The following C10orf90 variants were observed in gnomAD, a reference collection of about 807,000 sequenced individuals.
C10orf90 encodes the protein chromosome 10 open reading frame 90.
A neutral mutation model predicts 62.5 loss-of-function variants in C10orf90; 56 were observed. That is an observed-to-expected ratio of 0.90 (90% CI 0.72 to 1.12). The LOEUF is 1.12. Ranked by LOEUF, C10orf90 falls within the 50% of genes most tolerant of loss-of-function variation. The pLI, the probability that C10orf90 is intolerant of heterozygous loss-of-function variation, is 0.00. For synonymous variants in C10orf90, 386 were observed against 340.4 expected (o/e 1.13, Z -1.47); for missense variants, 970 against 880.4 (o/e 1.10, Z -1.29).
At chr10:126,481,026 C>G (rs1307563800) in intron 4 of C10orf90, among the ~76,000 whole-genome samples, 1 of 151,772 alleles carries the variant, frequency 6.6e-6, no homozygotes, top group Non-Finnish European at 1.5e-5. Context: ...TGCAGTCCCA[C>G]TGGTCTTGGT....
At chr10:126,487,596 A>G (rs551336330) in intron 4 of C10orf90, among the ~76,000 whole-genome samples, 99 of 152,356 alleles carry the variant, frequency 6.5e-4, no homozygotes, top group African/African-American at 2.2e-3. Flanking sequence ...TTAAGAAAAC[A>G]GTAAAACAAA....
chr10:126,634,855 G>A (rs916796331), intron 2 of C10orf90, among the ~76,000 whole-genome samples: 1 of 152,136 alleles, frequency 6.6e-6, no homozygotes. Flanking sequence ...TCTCAATCTT[G>A]TCTCCTAAGG....
At chr10:126,569,170 G>A (rs532707392) in intron 2 of C10orf90, among the ~76,000 whole-genome samples, 31 of 152,172 alleles carry the variant, frequency 2.0e-4, no homozygotes, top group Non-Finnish European at 4.0e-4. Context: ...AATTCCAAGC[G>A]TGGCTGCCAG....
intron 2 of C10orf90, among the ~76,000 whole-genome samples, chr10:126,618,046 A>C (rs1845576804): frequency 6.6e-6 from 1 of 152,202 alleles, no homozygotes; most frequent in Non-Finnish European, 1.5e-5. Context: ...GGAGGGATAG[A>C]AAATGCCTTC....
At chr10:126,485,114 T>C (rs1399633201) in intron 4 of C10orf90, among the ~76,000 whole-genome samples, 1 of 152,220 alleles carries the variant, frequency 6.6e-6, no homozygotes, top group Non-Finnish European at 1.5e-5. Context: ...AATTAGGTCA[T>C]ATGGGTGGAG....
chr10:126,598,833 C>T (rs1845137139), intron 2 of C10orf90, among the ~76,000 whole-genome samples: 1 of 152,150 alleles, frequency 6.6e-6, no homozygotes, highest in African/African-American at 2.4e-5. Flanking sequence ...TGGATGAAAA[C>T]TAGGGAGTCA....
intron 4 of C10orf90, among the ~76,000 whole-genome samples, chr10:126,500,139 C>T (rs1365623037): frequency 6.6e-6 from 1 of 152,170 alleles, no homozygotes; most frequent in Non-Finnish European, 1.5e-5. Context: ...TTGCAGTTCA[C>T]TCTCCTAATA....
At chr10:126,666,197 C>CT (rs1846623850) in intron 1 of C10orf90, among the ~76,000 whole-genome samples, 1 of 152,304 alleles carries the variant, frequency 6.6e-6, no homozygotes, top group African/African-American at 2.4e-5. Flanking sequence ...TCTCTGGCCT[C>CT]TACCCATTAG....
chr10:126,504,912 A>C lies in C10orf90; in HGVS notation c.579T>G (p.Ile193Met). ...CCGGAAGTAACGCAAATGCTCTGTGAATGTTGACTCCGCTGCGGTTAGCCA... is the reference window on the plus strand; with the variant it reads ...CCGGAAGTAACGCAAATGCTCTGTGCATGTTGACTCCGCTGCGGTTAGCCA... ...QSLANRSGVN[I>M]HRAFALLPGR... Residue 193 changes from isoleucine (I) to methionine (M), a missense_variant, in exon 4 of 10, where the codon ATT (isoleucine) becomes ATG (methionine). Ile to Met is a conservative substitution (Grantham distance 10, BLOSUM62 1). Transcript: ENST00000488181. This position sits in a 1 kb window ranked among gnomAD's most constrained non-coding sequence, Gnocchi z 4.1. The C allele has an allele frequency of 1.2e-6, 2 of 1,614,144 alleles. No individual in the cohort carries two copies. The highest frequency in any genetic ancestry group is 1.7e-6 in the Non-Finnish European group (2 of 1,180,030).
At chr10:126,551,648 C>T (rs1375130137) in intron 2 of C10orf90, among the ~76,000 whole-genome samples, 6 of 152,154 alleles carry the variant, frequency 3.9e-5, no homozygotes, top group South Asian at 2.1e-4. Flanking sequence ...ATGCCAGGTG[C>T]AATTACTCCA....
At chr10:126,642,518 C>T (rs547210578) in intron 2 of C10orf90, among the ~76,000 whole-genome samples, 6 of 151,804 alleles carry the variant, frequency 4.0e-5, no homozygotes, top group African/African-American at 1.5e-4. Flanking sequence ...GGCGACAGAG[C>T]GAGACTCCAT....
At chr10:126,543,388 G>A (rs1244882724) in intron 2 of C10orf90, among the ~76,000 whole-genome samples, 4 of 152,202 alleles carry the variant, frequency 2.6e-5, no homozygotes, top group African/African-American at 9.7e-5. Context: ...AAAGTGCTTA[G>A]CATTATGTCT....
At chr10:126,450,071 C>G (rs1180222494) in intron 7 of C10orf90, among the ~76,000 whole-genome samples, 2 of 151,100 alleles carry the variant, frequency 1.3e-5, no homozygotes, top group South Asian at 2.1e-4. Flanking sequence ...AAAACAATCC[C>G]ATTTACACTG....
intron 2 of C10orf90, among the ~76,000 whole-genome samples, chr10:126,638,933 G>A (rs918201893): frequency 2.0e-5 from 3 of 152,234 alleles, no homozygotes; most frequent in African/African-American, 7.2e-5. Flanking sequence ...CGCTAGAGCA[G>A]CAATCCTTCC....
At chr10:126,447,220 A>G (rs1194600483) in intron 7 of C10orf90, among the ~76,000 whole-genome samples, 1 of 152,060 alleles carries the variant, frequency 6.6e-6, no homozygotes, top group African/African-American at 2.4e-5. Flanking sequence ...CAATCAAAAA[A>G]GCATATATAC....
intron 1 of C10orf90, among the ~76,000 whole-genome samples, chr10:126,651,015 G>A (rs543601879): frequency 5.3e-5 from 8 of 152,258 alleles, no homozygotes; most frequent in South Asian, 2.1e-4. Flanking sequence ...AATTCCATCC[G>A]CAGCCAGAAG....
intron 2 of C10orf90, among the ~76,000 whole-genome samples, chr10:126,616,396 A>C (rs1415443463): frequency 6.6e-6 from 1 of 152,222 alleles, no homozygotes; most frequent in African/African-American, 2.4e-5. Context: ...GTAAGAGAGA[A>C]GTACGGCAAT....
intron 2 of C10orf90, among the ~76,000 whole-genome samples, chr10:126,550,413 T>C (rs1055898054): frequency 2.0e-5 from 3 of 152,160 alleles, no homozygotes; most frequent in African/African-American, 7.2e-5. Flanking sequence ...CTGTCTTGAG[T>C]ATACCAATGG....
chr10:126,557,444 C>T (rs1231932451), intron 2 of C10orf90, among the ~76,000 whole-genome samples: 2 of 148,296 alleles, frequency 1.3e-5, no homozygotes, highest in African/African-American at 5.0e-5. Context: ...CATGCCACTG[C>T]ACTCCAGCCT....
Sources: gnomAD v4.1 joint callset for allele counts (sites outside exome capture counted in the v4.1 genomes callset) on GRCh38, gnomAD v4.1.1 for gene constraint, Gnocchi (gnomAD v3.1) non-coding constraint, MANE v1.5 for transcripts, NCBI Gene and HGNC (gene_info 2026-07-23, HGNC 2026-07-21) for gene names.